The following PLAAT2 variants were observed in gnomAD, a reference collection of about 807,000 sequenced individuals.
PLAAT2 encodes HRAS like suppressor 2.
PLAAT2 carries 12 observed loss-of-function variants against 12.8 expected under a neutral mutation model. The ratio of observed to expected loss-of-function variants is 0.94; its 90% CI spans 0.60 to 1.52. The LOEUF (loss-of-function observed/expected upper bound fraction) is 1.52, where lower values mean the gene tolerates loss of function less well. Among genes scored for constraint, PLAAT2 ranks in the 40% most tolerant of loss-of-function variants. The pLI is 0.00. For missense variants in PLAAT2, 166 were observed against 208.1 expected, an observed-to-expected ratio of 0.80 and a Z score of 1.24; for synonymous variants, 79 against 86.8, an observed-to-expected ratio of 0.91 and a Z score of 0.50.
intron 3 of PLAAT2, among the ~76,000 whole-genome samples, chr11:63,556,613 GTC>G (rs1426698196): frequency 2.0e-4 from 31 of 152,262 alleles, no homozygotes; most frequent in African/African-American, 7.5e-4. Flanking sequence ...TGGCCTGGCA[GTC>G]TCTCAGTTAA....
rs773268323 is a variant in PLAAT2, at chr11:63,558,646, C to T, written c.133G>A (p.Ala45Thr). ...GCAGACAGGACACTGGCCGCACCAG[C>T]TCCAGCAATTTCACCTGTGCAAACA... ...HLAPASEIAG[A>T]GAASVLSALT... The change falls in exon 3 of 4, where the codon GCT (alanine) becomes ACT (threonine). Residue 45 changes from alanine (A) to threonine (T), a missense_variant. Ala to Thr is a moderately conservative substitution (Grantham distance 58, BLOSUM62 0). Coordinates refer to ENST00000255695, the MANE Select transcript of PLAAT2 (RefSeq NM_017878.2). 6.2e-7 allele frequency: 1 copy of T among 1,614,224 alleles called. No homozygotes were observed. Among genetic ancestry groups the T allele is most frequent in the South Asian group, 1.1e-5 (1 of 91,086 alleles).
intron 1 of PLAAT2, among the ~76,000 whole-genome samples, chr11:63,561,510 T>C (rs1206786075): frequency 2.9e-4 from 44 of 151,936 alleles, no homozygotes; most frequent in Admixed American, 2.8e-3. Context: ...CTGGGTATAG[T>C]GGCAGGTGCC....
chr11:63,560,075 C>T lies in PLAAT2; in HGVS notation c.118+10G>A. The T allele has an allele frequency of 6.4e-7, 1 of 1,571,314 alleles. No individual in the cohort carries two copies. The highest frequency in any genetic ancestry group is 8.7e-7 in the Non-Finnish European group (1 of 1,142,976). ...TAACCCTTGTGCTTAAAAAGAGAAC[C>T]CATCCTTACTTGCCGGAGCCAGATG... On this transcript the variant is annotated intron_variant, in intron 2 of 3. Transcript: ENST00000255695.
intron 3 of PLAAT2, among the ~76,000 whole-genome samples, chr11:63,554,003 CTG>C (rs935589086): frequency 2.0e-5 from 3 of 152,094 alleles, no homozygotes; most frequent in Non-Finnish European, 4.4e-5. Context: ...GAAGAAGAAA[CTG>C]AAAAAACCAC....
chr11:63,559,008 T>C (rs1186461156), intron 2 of PLAAT2, among the ~76,000 whole-genome samples: 1 of 152,160 alleles, frequency 6.6e-6, no homozygotes, highest in Admixed American at 6.5e-5. Flanking sequence ...CACTAGCTTG[T>C]GGCTTAGAAA....
upstream of PLAAT2, among the ~76,000 whole-genome samples, chr11:63,564,699 G>A (rs1455345345): frequency 1.3e-5 from 2 of 152,164 alleles, no homozygotes; most frequent in Non-Finnish European, 2.9e-5. Flanking sequence ...GGGTTGGCTT[G>A]GCTAATTATC....
upstream of PLAAT2, among the ~76,000 whole-genome samples, chr11:63,564,022 A>G (rs573084499): frequency 6.6e-5 from 10 of 152,270 alleles, no homozygotes; most frequent in South Asian, 1.9e-3. Flanking sequence ...CCCCAGAGAG[A>G]CTGAGATTCA....
intron 3 of PLAAT2, 100 bp downstream of exon 3, chr11:63,558,292 T>C (rs2017485599): frequency 3.7e-6 from 5 of 1,333,806 alleles, no homozygotes; most frequent in Non-Finnish European, 5.2e-6. Context: ...GTCTTGCTCA[T>C]GTCTATTTCC....
Position 63,552,822 on chromosome 11 carries a change from T to C in PLAAT2, c.*142A>G. 2 of 620,408 alleles carry C rather than the reference T, an allele frequency of 3.2e-6. No homozygotes were observed. The highest frequency in any genetic ancestry group is 2.9e-6 in the Non-Finnish European group (1 of 346,178). The allele number at this position is 620,408 out of a possible 1,614,324, so 38.4% of individuals were successfully genotyped here. On this transcript the variant is annotated 3_prime_UTR_variant, in exon 4 of 4. Transcript: ENST00000255695. Reference sequence around the variant, plus strand: ...ATTCATACTAAGCTGCATTTCCAAATACATTTTCCTGTGCTTTTAACTCCA... The same window carrying C: ...ATTCATACTAAGCTGCATTTCCAAACACATTTTCCTGTGCTTTTAACTCCA...
intron 3 of PLAAT2, among the ~76,000 whole-genome samples, chr11:63,554,351 C>T (rs1023750161): frequency 8.7e-5 from 13 of 149,296 alleles, no homozygotes; most frequent in African/African-American, 2.0e-4. Flanking sequence ...ACGCAAAGGC[C>T]GGGGGGGCGG....
chr11:63,556,641 C>A (rs147242405), intron 3 of PLAAT2, among the ~76,000 whole-genome samples: 1 of 152,272 alleles, frequency 6.6e-6, no homozygotes, highest in Non-Finnish European at 1.5e-5. Context: ...TGGTCTCCCT[C>A]CTGGGGTACT....
intron 3 of PLAAT2, 67 bp downstream of exon 3, chr11:63,558,325 G>A: frequency 6.4e-7 from 1 of 1,571,038 alleles, no homozygotes; most frequent in Non-Finnish European, 8.7e-7. Context: ...CCCCAGCAGG[G>A]ACCCAGCCTC....
At chr11:63,558,725 C>G (rs1465884298) in intron 2 of PLAAT2, 65 bp from the exon 3 acceptor site, 2 of 1,567,040 alleles carry the variant, frequency 1.3e-6, no homozygotes, top group Non-Finnish European at 1.7e-6. Context: ...AGCCAAGCAG[C>G]CTCATCGCCC....
intron 3 of PLAAT2, 110 bp downstream of exon 3, chr11:63,558,282 G>C: frequency 8.4e-7 from 1 of 1,193,348 alleles, no homozygotes; most frequent in Non-Finnish European, 1.2e-6. Context: ...CTGCTATTTT[G>C]TCTTGCTCAT....
intron 2 of PLAAT2, 145 bp downstream of exon 2, chr11:63,559,940 C>T: frequency 1.7e-6 from 1 of 587,288 alleles, no homozygotes; most frequent in East Asian, 2.8e-5. Flanking sequence ...GTTGCTACAT[C>T]TAGCAGGAAA....
At chr11:63,553,174 T>G (rs180877028) in intron 3 of PLAAT2, 109 bp from the exon 4 acceptor site, 1 of 665,132 alleles carries the variant, frequency 1.5e-6, no homozygotes, top group Non-Finnish European at 2.6e-6. Context: ...TCCTCTTCAT[T>G]TGAATCACAG....
intron 1 of PLAAT2, 71 bp from the exon 2 acceptor site, chr11:63,560,264 A>G: frequency 8.9e-7 from 1 of 1,125,308 alleles, no homozygotes; most frequent in East Asian, 2.4e-5. Context: ...CTGACCTGCA[A>G]GGAGCCCCAG....
chr11:63,554,053 G>A (rs994748762), intron 3 of PLAAT2, among the ~76,000 whole-genome samples: 4 of 151,872 alleles, frequency 2.6e-5, no homozygotes, highest in African/African-American at 7.3e-5. Context: ...TGGTGTGCTC[G>A]GCACAGCTTT....
intron 3 of PLAAT2, among the ~76,000 whole-genome samples, chr11:63,553,796 C>A (rs1345383666): frequency 6.6e-6 from 1 of 152,202 alleles, no homozygotes. Context: ...TGGGAACTCT[C>A]ACTACACAGG....
Sources: gnomAD v4.1 joint callset for allele counts (sites outside exome capture counted in the v4.1 genomes callset) on GRCh38, gnomAD v4.1.1 for gene constraint, MANE v1.5 for transcripts, NCBI Gene and HGNC (gene_info 2026-07-23, HGNC 2026-07-21) for gene names.